The following ANKRD26 variants were observed in gnomAD, a reference collection of about 807,000 sequenced individuals.
The protein encoded by ANKRD26 is ankyrin repeat domain-containing protein 26.
Under a neutral mutation model 208.7 loss-of-function variants are expected in ANKRD26, and 141 were observed. The ratio of observed to expected loss-of-function variants is 0.68; its 90% CI spans 0.59 to 0.78. ANKRD26 has a LOEUF of 0.78. ANKRD26 is among the 30% of genes least tolerant of loss of function. The pLI is 0.00. For synonymous variants in ANKRD26, 636 were observed against 660.4 expected, an observed-to-expected ratio of 0.96 and a Z score of 0.57; for missense variants, 1,889 against 1,938.7, an observed-to-expected ratio of 0.97 and a Z score of 0.48.
the ANKRD26 span, among the ~76,000 whole-genome samples, chr10:26,949,902 T>C: frequency 6.6e-6 from 1 of 152,236 alleles, no homozygotes. Flanking sequence ...GTTTATCACC[T>C]ACTTATGTCA....
At chr10:27,008,122 T>A (rs2052956154) in intron 32 of ANKRD26, among the ~76,000 whole-genome samples, 1 of 152,082 alleles carries the variant, frequency 6.6e-6, no homozygotes, top group Admixed American at 6.5e-5. Context: ...AAATCTTTTT[T>A]ATAAAAGGTA....
chr10:27,080,084 G>A, intron 6 of ANKRD26: 1 of 398,330 alleles, frequency 2.5e-6, no homozygotes, highest in Non-Finnish European at 5.0e-6. Context: ...GTGAACCCAG[G>A]AAGCAGAGAT....
intron 29 of ANKRD26, among the ~76,000 whole-genome samples, chr10:27,018,393 C>G (rs1198342533): frequency 6.6e-6 from 1 of 151,830 alleles, no homozygotes; most frequent in Non-Finnish European, 1.5e-5. Context: ...CTCAGCCTCC[C>G]GAAGTGCTGG....
At chr10:26,967,822 T>G in the ANKRD26 span, among the ~76,000 whole-genome samples, 3 of 152,150 alleles carry the variant, frequency 2.0e-5, no homozygotes, top group African/African-American at 4.8e-5. Context: ...TCATTTACCA[T>G]GTACTGTCCA....
At chr10:27,038,312 G>C (rs1443559267) in intron 21 of ANKRD26, among the ~76,000 whole-genome samples, 1 of 152,068 alleles carries the variant, frequency 6.6e-6, no homozygotes, top group Non-Finnish European at 1.5e-5. Flanking sequence ...TAAATATTAT[G>C]GAAAAAGATA....
intron 9 of ANKRD26, among the ~76,000 whole-genome samples, chr10:27,069,102 G>A (rs1196392097): frequency 6.7e-6 from 1 of 149,980 alleles, no homozygotes; most frequent in Non-Finnish European, 1.5e-5. Flanking sequence ...GGCTGATGCA[G>A]GAGAATTGCT....
At chr10:26,960,607 C>A in the ANKRD26 span, among the ~76,000 whole-genome samples, 1 of 152,190 alleles carries the variant, frequency 6.6e-6, no homozygotes, top group Non-Finnish European at 1.5e-5. Flanking sequence ...ACTAGACTTG[C>A]GGCTGTTCAT....
chr10:27,086,761 C>CTTTCT (rs2056129198), intron 4 of ANKRD26, 152 bp from the exon 5 acceptor site: 2 of 377,734 alleles, frequency 5.3e-6, no homozygotes, highest in Non-Finnish European at 8.0e-6. Flanking sequence ...GCTCTACAAA[C>CTTTCT]TTTTTTGTTT....
At chr10:26,978,664 C>T (rs1388345763) in intron 5 of ANKRD26, among the ~76,000 whole-genome samples, 1 of 152,086 alleles carries the variant, frequency 6.6e-6, no homozygotes, top group Non-Finnish European at 1.5e-5. Flanking sequence ...TGTCTGGTAT[C>T]CCTGGGATCC....
rs562503624 is a variant in ANKRD26 at position 27,060,379 on chromosome 10, T to C, written c.1530A>G (p.Ala510=). ...ATGTTTGTACATCCTTCATTCCTCCTGCTTTATTTGGAACAGAATCTTTCA... is the reference window on the plus strand; with the variant it reads ...ATGTTTGTACATCCTTCATTCCTCCCGCTTTATTTGGAACAGAATCTTTCA... The part of the protein sequence containing the change: ...IEMKDSVPNK[A]GGMKDVQTSK... Residue 510 remains alanine, a synonymous_variant, in exon 15 of 34, where the codon GCA becomes GCG. Coordinates refer to ENST00000376087, the MANE Select transcript of ANKRD26 (RefSeq NM_014915.3). 130 of 1,613,038 alleles carry C rather than the reference T, an allele frequency of 8.1e-5. 1 individual carries two copies. In the South Asian group the frequency reaches 1.4e-3, roughly 17 times the overall value.
rs777906763 is a variant in ANKRD26 at position 27,100,396 on chromosome 10, A to G, written c.-70T>C. 1.4e-5 allele frequency: 22 copies of G among 1,590,250 alleles called. 1 individual carries two copies. In the South Asian group the frequency reaches 1.7e-4, roughly 12 times the overall value. On this transcript the variant is annotated 5_prime_UTR_variant, in exon 1 of 34. An upstream start codon of the reference 5' UTR is lost. Transcript: ENST00000376087. Reference sequence around the variant, plus strand: ...CTCTTAACGGCCTCCGGAGCCCAACATAACAAGTCAGCCCCGGCTGGCCGC... The same window carrying G: ...CTCTTAACGGCCTCCGGAGCCCAACGTAACAAGTCAGCCCCGGCTGGCCGC...
At chr10:27,080,485 T>C (rs1435388373) in intron 6 of ANKRD26, among the ~76,000 whole-genome samples, 1 of 152,198 alleles carries the variant, frequency 6.6e-6, no homozygotes, top group Non-Finnish European at 1.5e-5. Flanking sequence ...AATCCAATTA[T>C]TTTCCCTATA....
intron 15 of ANKRD26, among the ~76,000 whole-genome samples, chr10:27,056,177 T>G (rs1487895836): frequency 6.6e-6 from 1 of 152,098 alleles, no homozygotes; most frequent in Non-Finnish European, 1.5e-5. Context: ...AAATGATTCT[T>G]TTTCTTCTTT....
the ANKRD26 span, among the ~76,000 whole-genome samples, chr10:26,965,789 A>C: frequency 6.6e-6 from 1 of 152,232 alleles, no homozygotes; most frequent in African/African-American, 2.4e-5. Flanking sequence ...TTACAAGGAA[A>C]AGACAAACAA....
intron 33 of ANKRD26, among the ~76,000 whole-genome samples, chr10:27,006,546 C>T (rs2052888822): frequency 6.6e-6 from 1 of 152,104 alleles, no homozygotes; most frequent in Admixed American, 6.6e-5. Flanking sequence ...GTCTTTGGGC[C>T]TTAAATCACC....
At chr10:27,031,358 A>G (rs1417834262) in intron 25 of ANKRD26, among the ~76,000 whole-genome samples, 1 of 152,262 alleles carries the variant, frequency 6.6e-6, no homozygotes, top group Non-Finnish European at 1.5e-5. Flanking sequence ...TAGACAATAA[A>G]AAGAAATGAA....
At chr10:27,021,503 A>G (rs2053486942) in intron 29 of ANKRD26, among the ~76,000 whole-genome samples, 1 of 152,126 alleles carries the variant, frequency 6.6e-6, no homozygotes, top group Admixed American at 6.5e-5. Context: ...AGATCATATC[A>G]CTTGGTGGTT....
chr10:27,084,356 A>C (rs1203000222), intron 5 of ANKRD26, among the ~76,000 whole-genome samples: 1 of 152,202 alleles, frequency 6.6e-6, no homozygotes, highest in African/African-American at 2.4e-5. Flanking sequence ...ACTTTCATTG[A>C]AAAAACACAA....
At chr10:27,071,502 T>G (rs1467333863) in intron 9 of ANKRD26, among the ~76,000 whole-genome samples, 1 of 152,030 alleles carries the variant, frequency 6.6e-6, no homozygotes, top group African/African-American at 2.4e-5. Flanking sequence ...CTAACAATGC[T>G]TATACTAAAA....
Sources: allele counts gnomAD v4.1 joint callset (sites outside exome capture counted in the v4.1 genomes callset), GRCh38; gene constraint gnomAD v4.1.1; transcripts MANE v1.5; gene names NCBI Gene and HGNC (gene_info 2026-07-23, HGNC 2026-07-21).